The following TMLHE variants were observed in gnomAD, a reference collection of about 807,000 sequenced individuals.
TMLHE encodes the protein trimethyllysine hydroxylase, epsilon.
TMLHE carries 18 observed loss-of-function variants against 25.7 expected under a neutral mutation model. The ratio of observed to expected loss-of-function variants is 0.70; its 90% CI spans 0.48 to 1.04. The LOEUF (loss-of-function observed/expected upper bound fraction) is 1.04, where lower values mean the gene tolerates loss of function less well. TMLHE is among the 50% of genes least tolerant of loss of function. The pLI is 0.00. For missense variants in TMLHE, 236 were observed against 259.0 expected (o/e 0.91, Z 0.61); for synonymous variants, 105 against 97.0 (o/e 1.08, Z -0.49).
intron 1 of TMLHE, among the ~76,000 whole-genome samples, chrX:155,585,441 AC>A (rs2124478731): frequency 9.0e-6 from 1 of 110,502 alleles, no homozygotes; most frequent in African/African-American, 3.3e-5. Flanking sequence ...ACACACACAC[AC>A]ACACACACAC....
At chrX:155,510,470 A>G (rs1166686525) in intron 5 of TMLHE, among the ~76,000 whole-genome samples, 8 of 92,640 alleles carry the variant, frequency 8.6e-5, no homozygotes, top group Non-Finnish European at 1.7e-4. Flanking sequence ...TCATTGTTCA[A>G]TTCCCACCTA....
chrX:155,594,583 A>T (rs1166814816), intron 1 of TMLHE, among the ~76,000 whole-genome samples: 3 of 112,097 alleles, frequency 2.7e-5, no homozygotes, highest in Non-Finnish European at 5.6e-5. Flanking sequence ...CATATAGAAT[A>T]GGAGTATAAT....
At chrX:155,612,693 C>T (rs782558286) in intron 1 of TMLHE, 99 bp downstream of exon 1, 3 of 112,768 alleles carry the variant, frequency 2.7e-5, no homozygotes, top group South Asian at 3.7e-4. Flanking sequence ...TGAGAGCCTC[C>T]GCCGCCCACT....
intron 1 of TMLHE, among the ~76,000 whole-genome samples, chrX:155,580,079 A>G (rs2067616204): frequency 8.9e-6 from 1 of 112,048 alleles, no homozygotes; most frequent in Non-Finnish European, 1.9e-5. Context: ...TGCATCCAAC[A>G]TGAACCTAGT....
chrX:155,524,066 A>C (rs1557336121), intron 3 of TMLHE, among the ~76,000 whole-genome samples: 2 of 111,815 alleles, frequency 1.8e-5, no homozygotes, highest in East Asian at 2.8e-4. Context: ...GAGGTAGTCT[A>C]TGTTAGGATG....
At chrX:155,584,949 CA>C (rs1485045174) in intron 1 of TMLHE, among the ~76,000 whole-genome samples, 6 of 110,810 alleles carry the variant, frequency 5.4e-5, no homozygotes, top group Non-Finnish European at 1.1e-4. Flanking sequence ...GTATAAAACC[CA>C]CTAGTAAACC....
At chrX:155,540,364 G>A (rs1460595754) in intron 2 of TMLHE, among the ~76,000 whole-genome samples, 1 of 110,768 alleles carries the variant, frequency 9.0e-6, no homozygotes, top group Non-Finnish European at 1.9e-5. Context: ...AAACCTTGCA[G>A]GCTAGAAAGG....
chrX:155,561,497 C>G (rs1329293682), intron 1 of TMLHE, among the ~76,000 whole-genome samples: 8 of 61,128 alleles, frequency 1.3e-4, no homozygotes, highest in Admixed American at 3.8e-4. Context: ...CCACCCCTGG[C>G]CCCTCACAAA....
At chrX:155,524,721 A>G (rs2067208974) in intron 2 of TMLHE, 89 bp from the exon 3 acceptor site, 3 of 889,034 alleles carry the variant, frequency 3.4e-6, no homozygotes, top group Non-Finnish European at 4.5e-6. Flanking sequence ...AAAGTCTTCT[A>G]CCAATAAGCA....
At chrX:155,538,714 G>A (rs782618927) in intron 2 of TMLHE, among the ~76,000 whole-genome samples, 7 of 111,431 alleles carry the variant, frequency 6.3e-5, no homozygotes, top group Non-Finnish European at 5.7e-5. Flanking sequence ...TGTTACAATC[G>A]TTGAAATATC....
intron 1 of TMLHE, among the ~76,000 whole-genome samples, chrX:155,610,794 T>TA (rs1183595360): frequency 1.8e-5 from 2 of 110,956 alleles, no homozygotes. Flanking sequence ...TTGTAGCAGT[T>TA]AGATATAGGG....
At chrX:155,587,856 GAAC>G (rs2067673954) in intron 1 of TMLHE, among the ~76,000 whole-genome samples, 1 of 111,611 alleles carries the variant, frequency 9.0e-6, no homozygotes, top group Non-Finnish European at 1.9e-5. Flanking sequence ...TAAGAGAACA[GAAC>G]AACTGGAAAA....
rs188804609 is a variant in TMLHE at position 155,586,175 on chromosome X, G to T, written c.-2+26617C>A. ...CTGGGAGGCAGAGGTTGCAGTGAGTGAGATCATGCCATTGCACTCCAGCCT... is the reference window on the plus strand; with the variant it reads ...CTGGGAGGCAGAGGTTGCAGTGAGTTAGATCATGCCATTGCACTCCAGCCT... On this transcript the variant is annotated intron_variant, in intron 1 of 7. Coordinates refer to ENST00000334398, the MANE Select transcript of TMLHE (RefSeq NM_018196.4). Among the ~76,000 whole-genome samples, 735 of 107,157 alleles carry T rather than the reference G, an allele frequency of 6.9e-3. 6 individuals are homozygous for T. Among genetic ancestry groups the T allele is most frequent in the African/African-American group, 0.024 (697 of 29,196 alleles). The allele number at this position is 107,157 out of a possible 115,157, so 93.1% of individuals were successfully genotyped here. A position where few individuals can be genotyped will look rare whatever the true frequency, so the allele number is the denominator to read the frequency against.
intron 1 of TMLHE, among the ~76,000 whole-genome samples, chrX:155,548,460 G>T (rs1177203776): frequency 9.0e-6 from 1 of 110,744 alleles, no homozygotes; most frequent in Non-Finnish European, 1.9e-5. Flanking sequence ...TACAGGCTGG[G>T]CACGGTGGCT....
Position 155,524,636 on chromosome X carries a change from G to A in TMLHE, c.182-4C>T. On this transcript the variant is annotated splice_region_variant and splice_polypyrimidine_tract_variant and intron_variant, in intron 2 of 7. Coordinates refer to ENST00000334398, the MANE Select transcript of TMLHE (RefSeq NM_018196.4). ...ACGGTATTAGCATATTTCAGCTCTA[G>A]GGAAAAGATCACATTTATCAGAACT... 1 of 1,154,140 alleles carries A rather than the reference G, an allele frequency of 8.7e-7. No homozygotes were observed. The highest frequency in any genetic ancestry group is 1.2e-6 in the Non-Finnish European group (1 of 864,598).
intron 5 of TMLHE, among the ~76,000 whole-genome samples, chrX:155,511,322 C>T (rs977369865): frequency 1.8e-5 from 2 of 110,506 alleles, no homozygotes; most frequent in African/African-American, 6.6e-5. Flanking sequence ...GTTTGCTCCC[C>T]GCTCACCTTC....
intron 1 of TMLHE, chrX:155,611,498 A>C (rs1471065038): frequency 9.0e-6 from 1 of 111,174 alleles, no homozygotes; most frequent in Non-Finnish European, 1.9e-5. Context: ...AATACAGAAC[A>C]AATGGTGGTT....
intron 1 of TMLHE, among the ~76,000 whole-genome samples, chrX:155,594,054 G>C (rs1486727073): frequency 4.5e-5 from 5 of 111,736 alleles, no homozygotes; most frequent in African/African-American, 1.6e-4. Flanking sequence ...TTCCAAATCT[G>C]GGGGAAGATG....
Position 155,547,305 on chromosome X carries a change from C to T in TMLHE, c.-1-2028G>A, listed in dbSNP as rs1174104870. On this transcript the variant is annotated intron_variant, in intron 1 of 7. Transcript: ENST00000334398. The stretch of plus-strand genomic sequence containing the variant: ...GACTACAGGCACCTGCCACCACGCC[C>T]GGCTAATTTTTTGTATTTTTAGTAG... Among the ~76,000 whole-genome samples the T allele has an allele frequency of 1.8e-4, 18 of 98,933 alleles. No homozygotes were observed. The East Asian group carries it at 2.9e-3, about 16-fold the overall frequency. The allele number at this position is 98,933 out of a possible 115,157, so 85.9% of individuals were successfully genotyped here. A position where few individuals can be genotyped will look rare whatever the true frequency, so the allele number is the denominator to read the frequency against.
Sources: gnomAD v4.1 joint callset for allele counts (sites outside exome capture counted in the v4.1 genomes callset) on GRCh38, gnomAD v4.1.1 for gene constraint, MANE v1.5 for transcripts, NCBI Gene and HGNC (gene_info 2026-07-23, HGNC 2026-07-21) for gene names.